The following JAK2 variants were observed in gnomAD, a reference collection of about 807,000 sequenced individuals.
JAK2 encodes the protein Janus kinase 2, also known as tyrosine-protein kinase JAK2.
In JAK2, 86 loss-of-function variants were observed where a neutral mutation model predicts 139.3. That is an observed-to-expected ratio of 0.62 (90% CI 0.52 to 0.74). JAK2 has a LOEUF of 0.74. Ranked by LOEUF, JAK2 falls within the 30% of genes least tolerant of loss-of-function variation. The pLI, the probability that JAK2 is intolerant of heterozygous loss-of-function variation, is 0.00. For missense variants in JAK2, 1,421 were observed against 1,360.3 expected (o/e 1.04, Z -0.70); for synonymous variants, 490 against 437.7 (o/e 1.12, Z -1.49).
intron 22 of JAK2, among the ~76,000 whole-genome samples, chr9:5,102,906 G>T (rs1821623804): frequency 6.6e-6 from 1 of 152,104 alleles, no homozygotes; most frequent in Non-Finnish European, 1.5e-5. Context: ...ACTAAACATG[G>T]AAAGGAACAA....
chr9:5,113,484 G>A (rs1203442075), intron 22 of JAK2: 1 of 149,636 alleles, frequency 6.7e-6, no homozygotes, highest in Non-Finnish European at 1.5e-5. Flanking sequence ...GATCAGACTG[G>A]CCTAGAGTAG....
At chr9:5,041,149 C>A (rs1024935832) in intron 4 of JAK2, 22 of 1,118,608 alleles carry the variant, frequency 2.0e-5, no homozygotes, top group Middle Eastern at 4.6e-4. Flanking sequence ...TCCGGCTGAT[C>A]ACGCGCATGG....
At position 5,128,261 on chromosome 9, in the gene JAK2, G is replaced by T. The variant is rs1824134683; in HGVS notation, c.*1470G>T. On this transcript the variant is annotated 3_prime_UTR_variant, in exon 25 of 25. Transcript: ENST00000381652. ...TTGGGTTGAAGGGAAGGAAAAGGAA[G>T]AAATGTTTTTTACATTCATTATTAT... 4.4e-6 allele frequency: 1 copy of T among 229,564 alleles called. No individual in the cohort carries two copies. Among genetic ancestry groups the T allele is most frequent in the South Asian group, 1.8e-4 (1 of 5,500 alleles). 14.2% of individuals were successfully genotyped at this position (229,564 alleles called of 1,614,324 possible). A position where few individuals can be genotyped will look rare whatever the true frequency, so the allele number is the denominator to read the frequency against.
intron 2 of JAK2, among the ~76,000 whole-genome samples, chr9:5,017,844 T>A (rs1822174319): frequency 6.6e-6 from 1 of 152,240 alleles, no homozygotes; most frequent in Non-Finnish European, 1.5e-5. Context: ...CTAGAATTGT[T>A]ATATCCTCTT....
chr9:5,126,449 A>T lies in JAK2; in HGVS notation c.3291+3A>T. 1 of 1,586,512 alleles carries T rather than the reference A, an allele frequency of 6.3e-7. No individual in the cohort carries two copies. Among genetic ancestry groups the T allele is most frequent in the Non-Finnish European group, 8.6e-7 (1 of 1,160,220 alleles). ...GACCAGATGGATGCCCAGATGAGGT[A>T]ACAATTTTTTTTTAATCCAGGGTAG... On this transcript the variant is annotated splice_donor_region_variant and intron_variant, in intron 24 of 24. Transcript: ENST00000381652.
rs781379515 is a variant in JAK2 at position 5,050,782 on chromosome 9, A to C, written c.565A>C (p.Ile189Leu). ...LGMAVLDMMR[I>L]AKENDQTPLA... ...GATGGCAGTGTTAGATATGATGAGA[A>C]TAGCCAAAGAAAACGATCAAACCCC... Residue 189 changes from isoleucine to leucine, a missense_variant, in exon 6 of 25, where the codon ATA becomes CTA. Physicochemically the swap from Ile to Leu is conservative, Grantham distance 5 (BLOSUM62 2). Transcript: ENST00000381652. 6.2e-7 allele frequency: 1 copy of C among 1,613,764 alleles called. No individual in the cohort carries two copies. Among genetic ancestry groups the C allele is most frequent in the South Asian group, 1.1e-5 (1 of 91,058 alleles).
At chr9:5,116,123 A>G (rs1823151086) in intron 22 of JAK2, among the ~76,000 whole-genome samples, 1 of 152,142 alleles carries the variant, frequency 6.6e-6, no homozygotes, top group African/African-American at 2.4e-5. Flanking sequence ...CATTTTATGG[A>G]TAATCTCATT....
At chr9:5,088,851 A>T (rs1271682290) in intron 19 of JAK2, among the ~76,000 whole-genome samples, 1 of 152,118 alleles carries the variant, frequency 6.6e-6, no homozygotes. Context: ...CTTATAACCT[A>T]ATTTAACTTT....
chr9:5,071,559 T>C (rs1349061463), intron 12 of JAK2, among the ~76,000 whole-genome samples: 5 of 152,300 alleles, frequency 3.3e-5, no homozygotes, highest in African/African-American at 9.6e-5. Context: ...AAATTACTTA[T>C]AGCTGAAGAG....
chr9:4,999,323 C>G (rs111952898), intron 2 of JAK2, among the ~76,000 whole-genome samples: 38 of 152,168 alleles, frequency 2.5e-4, no homozygotes, highest in African/African-American at 8.9e-4. Context: ...ATTAAAATAT[C>G]TTATTTGCAT....
chr9:5,078,184 C>A, intron 15 of JAK2, 122 bp from the exon 16 acceptor site: 1 of 751,138 alleles, frequency 1.3e-6, no homozygotes, highest in Non-Finnish European at 2.1e-6. Flanking sequence ...CAATGCATGC[C>A]TCCAAATTAT....
intron 3 of JAK2, among the ~76,000 whole-genome samples, chr9:5,024,592 GC>G (rs1209306217): frequency 6.6e-6 from 1 of 152,042 alleles, no homozygotes; most frequent in Non-Finnish European, 1.5e-5. Context: ...ACATAGAAAT[GC>G]TTTTCAGTGC....
At chr9:5,115,946 T>C (rs985463750) in intron 22 of JAK2, among the ~76,000 whole-genome samples, 15 of 152,094 alleles carry the variant, frequency 9.9e-5, no homozygotes, top group Non-Finnish European at 2.2e-4. Flanking sequence ...TTAAGAGAAA[T>C]ACCTAATGTA....
At chr9:5,095,887 A>G (rs1820949340) in intron 22 of JAK2, among the ~76,000 whole-genome samples, 1 of 152,234 alleles carries the variant, frequency 6.6e-6, no homozygotes, top group Admixed American at 6.5e-5. Context: ...ACTTAGCCTA[A>G]GTATAAGCAC....
chr9:5,014,694 G>C (rs996123553), intron 2 of JAK2, among the ~76,000 whole-genome samples: 1 of 152,144 alleles, frequency 6.6e-6, no homozygotes, highest in Non-Finnish European at 1.5e-5. Flanking sequence ...TTGTGCATTT[G>C]ATTGTATTTA....
intron 22 of JAK2, chr9:5,112,729 A>C: frequency 1.3e-6 from 1 of 756,104 alleles, no homozygotes. Flanking sequence ...TGAATCCCAA[A>C]ACAGCCTGTT....
rs1482224390 is a variant in JAK2 at position 5,064,989 on chromosome 9, C to T, written c.1163C>T (p.Ala388Val). 1 of 1,610,630 alleles carries T rather than the reference C, an allele frequency of 6.2e-7. No homozygotes were observed. Among genetic ancestry groups the T allele is most frequent in the Non-Finnish European group, 8.5e-7 (1 of 1,178,114 alleles). ...DAHHYLCKEV[A>V]PPAVLENIQS... ...CATCATTACCTCTGTAAAGAAGTAG[C>T]ACCTCCAGCCGTGCTTGAAAATATA... The change falls in exon 9 of 25, where the codon GCA becomes GTA. Residue 388 changes from alanine to valine, a missense_variant. Physicochemically the swap from Ala to Val is moderately conservative, Grantham distance 64. Coordinates refer to ENST00000381652, the MANE Select transcript of JAK2 (RefSeq NM_004972.4).
chr9:5,032,230 T>G (rs1823213812), intron 4 of JAK2, among the ~76,000 whole-genome samples: 1 of 151,806 alleles, frequency 6.6e-6, no homozygotes, highest in Non-Finnish European at 1.5e-5. Context: ...GAGGGTTGAG[T>G]AGGTAAACAA....
chr9:5,035,201 C>T (rs184666711), intron 4 of JAK2, among the ~76,000 whole-genome samples: 1 of 152,230 alleles, frequency 6.6e-6, no homozygotes, highest in East Asian at 1.9e-4. Flanking sequence ...TGAATCTCTG[C>T]ATAGACCAAT....
Sources: allele counts gnomAD v4.1 joint callset (sites outside exome capture counted in the v4.1 genomes callset), GRCh38; gene constraint gnomAD v4.1.1; transcripts MANE v1.5; gene names NCBI Gene and HGNC (gene_info 2026-07-23, HGNC 2026-07-21).